The following CAST variants were observed in gnomAD, a reference collection of about 807,000 sequenced individuals.
The protein encoded by CAST is MIR583 host.
Under a neutral mutation model 119.6 loss-of-function variants are expected in CAST, and 76 were observed. The ratio of observed to expected loss-of-function variants is 0.64; its 90% CI spans 0.53 to 0.77. CAST has a LOEUF of 0.77. Ranked by LOEUF, CAST falls within the 30% of genes least tolerant of loss-of-function variation. The probability of loss-of-function intolerance (pLI) is 0.00; values close to 1 mark genes in which losing one functional copy is unlikely to be tolerated. For synonymous variants in CAST, 319 were observed against 331.6 expected (o/e 0.96, Z 0.41); for missense variants, 953 against 946.5 (o/e 1.01, Z -0.09).
upstream of CAST, chr5:96,661,979 G>C (rs1748565412): frequency 6.2e-6 from 1 of 161,758 alleles, no homozygotes; most frequent in African/African-American, 2.4e-5. Context: ...AATGTAGAAA[G>C]AGTATCTACT....
At chr5:96,212,998 A>G in the CAST span, among the ~76,000 whole-genome samples, 2 of 152,158 alleles carry the variant, frequency 1.3e-5, no homozygotes, top group Non-Finnish European at 2.9e-5. Context: ...GCACACCCGT[A>G]GTCCTAGCTA....
At chr5:96,083,357 C>T in the CAST span, among the ~76,000 whole-genome samples, 1 of 152,196 alleles carries the variant, frequency 6.6e-6, no homozygotes, top group Non-Finnish European at 1.5e-5. Context: ...AGGGATCTGA[C>T]CACCTGGCCT....
chr5:96,634,257 GAGATCAACA>G (rs1460728973), intron 1 of CAST, among the ~76,000 whole-genome samples: 2 of 152,130 alleles, frequency 1.3e-5, no homozygotes, highest in African/African-American at 4.8e-5. Flanking sequence ...CTTTATCATA[GAGATCAACA>G]AGAGTGAAAG....
Position 96,674,442 on chromosome 5 carries a change from G to A in CAST, c.76-1097G>A, listed in dbSNP as rs149301265. Among the ~76,000 whole-genome samples, 848 of 152,018 alleles carry A rather than the reference G, an allele frequency of 5.6e-3. 6 individuals are homozygous for A. Among genetic ancestry groups the A allele is most frequent in the Non-Finnish European group, 8.9e-3 (605 of 67,972 alleles). ...TTTTGATTCAATTGAGGATGATTAG[G>A]ACTGAATCCAATGATGAGCTTTTAT... On this transcript the variant is annotated intron_variant, in intron 1 of 31. Coordinates refer to ENST00000675179, the MANE Select transcript of CAST (RefSeq NM_001750.7).
chr5:96,596,272 T>C (rs1345575093), intron 1 of CAST, among the ~76,000 whole-genome samples: 1 of 152,152 alleles, frequency 6.6e-6, no homozygotes, highest in Non-Finnish European at 1.5e-5. Context: ...AGGAGAAGAC[T>C]GACTCCTGAA....
chr5:96,233,232 A>G, the CAST span, among the ~76,000 whole-genome samples: 1 of 152,132 alleles, frequency 6.6e-6, no homozygotes, highest in Admixed American at 6.6e-5. Flanking sequence ...ATTCATGGAT[A>G]CATATTTAGT....
the CAST span, among the ~76,000 whole-genome samples, chr5:96,113,881 T>G: frequency 6.6e-6 from 1 of 152,162 alleles, no homozygotes; most frequent in Non-Finnish European, 1.5e-5. Flanking sequence ...AAGAGTGTGT[T>G]GAAGAAAATG....
chr5:96,740,446 G>A (rs1347033871), intron 12 of CAST, among the ~76,000 whole-genome samples: 2 of 151,866 alleles, frequency 1.3e-5, no homozygotes, highest in Non-Finnish European at 2.9e-5. Context: ...TCTTCTTCCC[G>A]TGTCTCTACA....
chr5:96,204,335 A>G, the CAST span, among the ~76,000 whole-genome samples: 1 of 152,026 alleles, frequency 6.6e-6, no homozygotes, highest in Non-Finnish European at 1.5e-5. Context: ...CAAAGCTACC[A>G]CACAGCTATC....
the CAST span, among the ~76,000 whole-genome samples, chr5:96,330,311 C>G: frequency 6.6e-6 from 1 of 152,180 alleles, no homozygotes; most frequent in Admixed American, 6.5e-5. Flanking sequence ...AAGATGTGGA[C>G]AGAAGAGAGG....
At chr5:96,231,034 G>C in the CAST span, among the ~76,000 whole-genome samples, 1 of 152,028 alleles carries the variant, frequency 6.6e-6, no homozygotes, top group Admixed American at 6.6e-5. Context: ...TTCCCGGTGG[G>C]AAAAAGTATG....
the CAST span, among the ~76,000 whole-genome samples, chr5:95,968,434 A>C: frequency 6.6e-6 from 1 of 152,192 alleles, no homozygotes; most frequent in African/African-American, 2.4e-5. Flanking sequence ...TCAGATTATG[A>C]TTTTAAATTA....
chr5:96,406,304 C>A, the CAST span, among the ~76,000 whole-genome samples: 2 of 152,126 alleles, frequency 1.3e-5, no homozygotes, highest in South Asian at 4.1e-4. Flanking sequence ...ACAATTATTT[C>A]TCGGTTAATT....
chr5:96,644,035 G>T (rs34929708), intron 1 of CAST, among the ~76,000 whole-genome samples: 5,443 of 151,596 alleles, frequency 0.036, 308 homozygotes, highest in East Asian at 0.21. Context: ...GACAGAACGA[G>T]GTTCCGTCTC....
chr5:96,528,266 T>C (rs750525699), upstream of CAST, among the ~76,000 whole-genome samples: 12 of 152,170 alleles, frequency 7.9e-5, no homozygotes, highest in Non-Finnish European at 1.6e-4. Flanking sequence ...TTTTTAAGCT[T>C]AGCCAGAGCA....
chr5:96,326,366 T>G, the CAST span, among the ~76,000 whole-genome samples: 4 of 152,332 alleles, frequency 2.6e-5, no homozygotes, highest in Admixed American at 6.5e-5. Flanking sequence ...TCCTAAACTT[T>G]AGCGATGTTG....
chr5:96,626,888 G>A (rs12153685), intron 1 of CAST, among the ~76,000 whole-genome samples: 4,638 of 152,238 alleles, frequency 0.03, 94 homozygotes, highest in Non-Finnish European at 0.044. Context: ...AGAGTTTGAC[G>A]GCAGGTTTAT....
At position 96,742,758 on chromosome 5, in the gene CAST, TACTG is replaced by T. The variant is rs1423982784; in HGVS notation, c.1200+5_1200+8del. On this transcript the variant is annotated splice_donor_5th_base_variant and intron_variant, in intron 16 of 31. Transcript: ENST00000675179. ...CGCTCAATTAAGGAAGTCGATGAGG[TACTG>T]ACCTTAGAGTTGATTTACAAAGCTT... is the stretch of plus-strand genomic sequence containing the variant. The T allele has an allele frequency of 6.2e-7, 1 of 1,605,434 alleles. No individual in the cohort carries two copies. Among genetic ancestry groups the T allele is most frequent in the East Asian group, 2.2e-5 (1 of 44,830 alleles).
the CAST span, among the ~76,000 whole-genome samples, chr5:96,454,432 C>T: frequency 6.6e-6 from 1 of 152,236 alleles, no homozygotes; most frequent in Non-Finnish European, 1.5e-5. Context: ...CTGGTATTGA[C>T]TGGCAACCGT....
Sources: allele counts gnomAD v4.1 joint callset (sites outside exome capture counted in the v4.1 genomes callset), GRCh38; gene constraint gnomAD v4.1.1; transcripts MANE v1.5; gene names NCBI Gene and HGNC (gene_info 2026-07-23, HGNC 2026-07-21).